TSPAN5: variants seen among roughly 807,000 people sequenced by gnomAD.
TSPAN5 encodes tetraspanin 5.
TSPAN5 carries 10 observed loss-of-function variants against 37.1 expected under a neutral mutation model. The observed-to-expected ratio is 0.27, with a 90% CI of 0.17 to 0.46. The LOEUF (loss-of-function observed/expected upper bound fraction) is 0.46, where lower values mean the gene tolerates loss of function less well. TSPAN5 is among the 20% of genes least tolerant of loss of function. TSPAN5 has a pLI of 1.00. For synonymous variants in TSPAN5, 110 were observed against 118.9 expected (o/e 0.93, Z 0.48); for missense variants, 195 against 326.6 (o/e 0.60, Z 3.11).
At chr4:98,605,661 C>T (rs1756016694) in intron 1 of TSPAN5, among the ~76,000 whole-genome samples, 1 of 152,218 alleles carries the variant, frequency 6.6e-6, no homozygotes, top group African/African-American at 2.4e-5. Context: ...CACAAACTGT[C>T]AATCCCTCGG....
intron 1 of TSPAN5, among the ~76,000 whole-genome samples, chr4:98,509,520 T>C (rs1187835764): frequency 6.6e-6 from 1 of 152,178 alleles, no homozygotes; most frequent in African/African-American, 2.4e-5. Flanking sequence ...CAACACACAA[T>C]ACATTCTGAG....
At chr4:98,585,274 C>T (rs1373056206) in intron 1 of TSPAN5, among the ~76,000 whole-genome samples, 1 of 152,102 alleles carries the variant, frequency 6.6e-6, no homozygotes, top group Non-Finnish European at 1.5e-5. Flanking sequence ...AACGTTCAGC[C>T]TCCCACCTTT....
intron 1 of TSPAN5, among the ~76,000 whole-genome samples, chr4:98,653,019 T>C (rs899510504): frequency 1.8e-4 from 27 of 152,214 alleles, no homozygotes; most frequent in African/African-American, 6.0e-4. Flanking sequence ...CCCCACTTTA[T>C]ACCTTTCTTA....
intron 2 of TSPAN5, among the ~76,000 whole-genome samples, chr4:98,499,952 G>T (rs563370137): frequency 6.6e-6 from 1 of 151,940 alleles, no homozygotes; most frequent in Non-Finnish European, 1.5e-5. Context: ...GAGCCACCGC[G>T]CCCGGCCGGT....
In TSPAN5 at chr4:98,541,601, G is replaced by A. The variant is rs905958106; in HGVS notation, c.82-33873C>T. Among the ~76,000 whole-genome samples the A allele has an allele frequency of 2.0e-5, 3 of 150,432 alleles. No homozygotes were observed. In the South Asian group the frequency reaches 6.3e-4, roughly 32 times the overall value. On this transcript the variant is annotated intron_variant, in intron 1 of 7. Coordinates refer to ENST00000305798, the MANE Select transcript of TSPAN5 (RefSeq NM_005723.4). ...GAGGCATGAGAATTGCTTGAACCCA[G>A]GAGGGGGAGGGTGCAGTGAGCCGAG...
intron 1 of TSPAN5, among the ~76,000 whole-genome samples, chr4:98,587,548 C>A (rs564233182): frequency 1.3e-5 from 2 of 152,248 alleles, no homozygotes; most frequent in South Asian, 4.2e-4. Flanking sequence ...ACAGAAACTC[C>A]GCCCATCCAT....
chr4:98,563,782 A>G (rs1754929521), intron 1 of TSPAN5, among the ~76,000 whole-genome samples: 1 of 152,212 alleles, frequency 6.6e-6, no homozygotes, highest in African/African-American at 2.4e-5. Context: ...AATGGAGGCA[A>G]TTCTGGGCCT....
chr4:98,606,076 AATCAAG>A (rs1425377537), intron 1 of TSPAN5, among the ~76,000 whole-genome samples: 3 of 152,262 alleles, frequency 2.0e-5, no homozygotes, highest in African/African-American at 4.8e-5. Flanking sequence ...TGCTCTGGGC[AATCAAG>A]ACCATCTAAA....
chr4:98,629,787 G>C (rs965203276), intron 1 of TSPAN5, among the ~76,000 whole-genome samples: 4 of 152,178 alleles, frequency 2.6e-5, no homozygotes, highest in Non-Finnish European at 5.9e-5. Context: ...GAAAAAGACT[G>C]TTGCTATTCA....
intron 1 of TSPAN5, among the ~76,000 whole-genome samples, chr4:98,522,178 C>T (rs1186821466): frequency 6.6e-6 from 1 of 152,196 alleles, no homozygotes; most frequent in Non-Finnish European, 1.5e-5. Flanking sequence ...GTGCCCAACC[C>T]CCACATTAGG....
chr4:98,547,043 A>T (rs1479119896), intron 1 of TSPAN5, among the ~76,000 whole-genome samples: 1 of 152,160 alleles, frequency 6.6e-6, no homozygotes, highest in Non-Finnish European at 1.5e-5. Context: ...GGACAGCTTG[A>T]GTTTGCTGGG....
At chr4:98,502,768 T>C (rs56113449) in intron 2 of TSPAN5, among the ~76,000 whole-genome samples, 1 of 152,190 alleles carries the variant, frequency 6.6e-6, no homozygotes, top group Non-Finnish European at 1.5e-5. Flanking sequence ...CATAAGTGAA[T>C]GAGTGTCAAC....
intron 1 of TSPAN5, among the ~76,000 whole-genome samples, chr4:98,601,948 TGAG>T (rs1755893502): frequency 6.6e-6 from 1 of 152,156 alleles, no homozygotes; most frequent in Non-Finnish European, 1.5e-5. Flanking sequence ...TACGGAGGCC[TGAG>T]GAGGAGAGAC....
chr4:98,525,048 G>A (rs1578966630), intron 1 of TSPAN5, among the ~76,000 whole-genome samples: 1 of 152,146 alleles, frequency 6.6e-6, no homozygotes. Flanking sequence ...TACTATTTCA[G>A]TCAAGCTTCT....
At chr4:98,480,031 C>T (rs1263760526) in intron 4 of TSPAN5, among the ~76,000 whole-genome samples, 2 of 152,122 alleles carry the variant, frequency 1.3e-5, no homozygotes, top group Admixed American at 1.3e-4. Flanking sequence ...GTTGGCACTG[C>T]GTGACCAGAA....
At position 98,549,292 on chromosome 4, in the gene TSPAN5, G is replaced by GGTTTTT. The variant is rs1560532920; in HGVS notation, c.82-41565_82-41564insAAAAAC. Among the ~76,000 whole-genome samples, 16 of 147,166 alleles carry GGTTTTT rather than the reference G, an allele frequency of 1.1e-4. 1 individual carries two copies. The highest frequency in any genetic ancestry group is 4.1e-4 in the African/African-American group (16 of 38,716). On this transcript the variant is annotated intron_variant, in intron 1 of 7. Coordinates refer to ENST00000305798, the MANE Select transcript of TSPAN5 (RefSeq NM_005723.4). ...GTGGTTGTTTTATTTTTGTTTGTTT[G>GGTTTTT]TTTGTTTTTGTTTTTTTTTGTTTTT...
intron 1 of TSPAN5, among the ~76,000 whole-genome samples, chr4:98,634,320 T>C (rs551982004): frequency 6.6e-6 from 1 of 152,278 alleles, no homozygotes; most frequent in African/African-American, 2.4e-5. Context: ...AAGGGGCCTT[T>C]TGCCTTGCCC....
chr4:98,519,919 G>C (rs985008143), intron 1 of TSPAN5, among the ~76,000 whole-genome samples: 1 of 152,172 alleles, frequency 6.6e-6, no homozygotes, highest in Non-Finnish European at 1.5e-5. Flanking sequence ...GAGACAAGTG[G>C]AATCTATCTC....
intron 1 of TSPAN5, among the ~76,000 whole-genome samples, chr4:98,646,479 A>ACAC (rs894294701): frequency 5.3e-5 from 8 of 151,748 alleles, no homozygotes; most frequent in African/African-American, 1.7e-4. Flanking sequence ...GTTAGGCCTA[A>ACAC]CACCACCACA....
Sources: allele counts gnomAD v4.1 joint callset (sites outside exome capture counted in the v4.1 genomes callset), GRCh38; gene constraint gnomAD v4.1.1; transcripts MANE v1.5; gene names NCBI Gene and HGNC (gene_info 2026-07-23, HGNC 2026-07-21).